Variants in ARL5B observed in about 807,000 individuals in gnomAD.
ARL5B encodes the protein ARF like GTPase 5B, also known as ADP-ribosylation factor-like protein 5B.
A neutral mutation model predicts 26.9 loss-of-function variants in ARL5B; 10 were observed. That is an observed-to-expected ratio of 0.37 (90% confidence interval 0.23 to 0.63). The LOEUF (loss-of-function observed/expected upper bound fraction) is 0.63, where lower values mean the gene tolerates loss of function less well. Among genes scored for constraint, ARL5B ranks in the 30% least tolerant of loss-of-function variants. The pLI, the probability that ARL5B is intolerant of heterozygous loss-of-function variation, is 0.62. For synonymous variants in ARL5B, 87 were observed against 70.4 expected, an observed-to-expected ratio of 1.24 and a Z score of -1.18; for missense variants, 167 against 213.9, an observed-to-expected ratio of 0.78 and a Z score of 1.37.
chr10:18,664,426 T>A (rs1458538425), intron 1 of ARL5B, among the ~76,000 whole-genome samples: 1 of 142,302 alleles, frequency 7.0e-6, no homozygotes, highest in Non-Finnish European at 1.5e-5. Flanking sequence ...GTAACAGTAG[T>A]GTCTTTTTTT....
At chr10:18,661,006 GC>G (rs1460261570) in intron 1 of ARL5B, among the ~76,000 whole-genome samples, 2 of 151,962 alleles carry the variant, frequency 1.3e-5, no homozygotes, top group Non-Finnish European at 2.9e-5. Flanking sequence ...CCGCCACCAC[GC>G]CCGGCCTATT....
At chr10:18,671,288 T>A (rs906627167) in intron 3 of ARL5B, among the ~76,000 whole-genome samples, 1 of 152,002 alleles carries the variant, frequency 6.6e-6, no homozygotes, top group African/African-American at 2.4e-5. Context: ...TTCTCCTCCC[T>A]CAGCCTCCGA....
At chr10:18,666,008 G>A (rs45593736) in intron 1 of ARL5B, among the ~76,000 whole-genome samples, 1,944 of 152,258 alleles carry the variant, frequency 0.013, 14 homozygotes, top group Middle Eastern at 0.031. Context: ...TGTAGAAGCC[G>A]GTTGAAAAAA....
rs1320801290 is a variant in ARL5B, at chr10:18,680,527, C to G, written c.*5311C>G. 2 of 151,974 alleles carry G rather than the reference C, an allele frequency of 1.3e-5. No individual in the cohort carries two copies. The highest frequency in any genetic ancestry group is 2.9e-5 in the Non-Finnish European group (2 of 67,926). 9.4% of individuals were successfully genotyped at this position (151,974 alleles called of 1,614,324 possible). On this transcript the variant is annotated 3_prime_UTR_variant, in exon 6 of 6. Transcript: ENST00000377275. ...ATCCCAGTCATCAGTGACTTATTTG[C>G]ATATTTAAGCCCTATTCACAAGAGA... is the stretch of plus-strand genomic sequence containing the variant.
intron 3 of ARL5B, among the ~76,000 whole-genome samples, chr10:18,669,494 G>T (rs1452720699): frequency 1.3e-5 from 2 of 152,084 alleles, no homozygotes; most frequent in Non-Finnish European, 2.9e-5. Context: ...TGAGTTCAGA[G>T]CTAACTTGGG....
Position 18,675,200 on chromosome 10 carries a change from G to T in ARL5B, c.524G>T (p.Arg175Leu). 1 of 1,613,324 alleles carries T rather than the reference G, an allele frequency of 6.2e-7. No individual in the cohort carries two copies. Among genetic ancestry groups the T allele is most frequent in the Admixed American group, 1.7e-5 (1 of 59,992 alleles). The change falls in exon 6 of 6, where the codon CGG (arginine) becomes CTG (leucine). Residue 175 changes from arginine to leucine, a missense_variant. Transcript: ENST00000377275. The part of the protein sequence containing the change: ...LCQGLEWMTS[R>L]IGVR ...CAAGGTCTAGAGTGGATGACCTCCC[G>T]GATTGGTGTGAGATAACTTTTTTGC...
At chr10:18,668,320 TAA>T (rs1289270529) in intron 2 of ARL5B, among the ~76,000 whole-genome samples, 1 of 145,374 alleles carries the variant, frequency 6.9e-6, no homozygotes, top group Non-Finnish European at 1.5e-5. Context: ...TTCCTTCCGT[TAA>T]AAAAAAAAAC....
rs940969224 is a variant in ARL5B, at chr10:18,672,615, C to G, written c.256-7C>G. On this transcript the variant is annotated splice_polypyrimidine_tract_variant and splice_region_variant and intron_variant, in intron 3 of 5. Transcript: ENST00000377275. ...ATTTTCTGTCTTTCCTTTTAATTTTCTTCTAGTTCATCATTCTTGTTGTTG... is the reference window on the plus strand; with the variant it reads ...ATTTTCTGTCTTTCCTTTTAATTTTGTTCTAGTTCATCATTCTTGTTGTTG... The G allele has an allele frequency of 6.3e-7, 1 of 1,598,760 alleles. No homozygotes were observed. The highest frequency in any genetic ancestry group is 1.1e-5 in the South Asian group (1 of 88,508).
rs756535384 is a variant in ARL5B, at chr10:18,676,522, CTTAAA to C, written c.*1311_*1315del. 23 of 151,924 alleles carry C rather than the reference CTTAAA, an allele frequency of 1.5e-4. No homozygotes were observed. Among genetic ancestry groups the C allele is most frequent in the Non-Finnish European group, 2.9e-4 (20 of 67,832 alleles). 9.4% of individuals were successfully genotyped at this position (151,924 alleles called of 1,614,324 possible). A position where few individuals can be genotyped will look rare whatever the true frequency, so the allele number is the denominator to read the frequency against. On this transcript the variant is annotated 3_prime_UTR_variant, in exon 6 of 6. Transcript: ENST00000377275. The stretch of plus-strand genomic sequence containing the variant: ...GAACAATAATCTAAACAATATATTC[CTTAAA>C]TTAAGAGGAAAGACAAGTGTCGTAT...
intron 1 of ARL5B, among the ~76,000 whole-genome samples, chr10:18,663,251 A>G (rs1294511817): frequency 1.3e-5 from 2 of 150,586 alleles, no homozygotes; most frequent in East Asian, 3.9e-4. Flanking sequence ...CAGGTGATCT[A>G]CTCGCCTCCC....
chr10:18,662,151 T>TAAC (rs2059839703), intron 1 of ARL5B, among the ~76,000 whole-genome samples: 1 of 152,244 alleles, frequency 6.6e-6, no homozygotes. Context: ...TATATTAGAA[T>TAAC]AACAGGCCCA....
In ARL5B at chr10:18,674,151, T is replaced by A; in HGVS notation, c.491+16T>A. ...CAGGAGAAGGGTAAGTTCATCCGTC[T>A]GAGGGGAGGTATGACTTCTTTCAAA... On this transcript the variant is annotated intron_variant, in intron 5 of 5. Transcript: ENST00000377275. 1 of 1,595,024 alleles carries A rather than the reference T, an allele frequency of 6.3e-7. No individual in the cohort carries two copies. Among genetic ancestry groups the A allele is most frequent in the South Asian group, 1.1e-5 (1 of 88,404 alleles).
In ARL5B at chr10:18,677,686, A is replaced by G. The variant is rs1414357287; in HGVS notation, c.*2470A>G. On this transcript the variant is annotated 3_prime_UTR_variant, in exon 6 of 6. Coordinates refer to ENST00000377275, the MANE Select transcript of ARL5B (RefSeq NM_178815.5). ...CAGTGAACTGTAAGATACTGTCTAA[A>G]AAATGTACATTTGTAATTAGTGCCT... 1 of 152,342 alleles carries G rather than the reference A, an allele frequency of 6.6e-6. No individual in the cohort carries two copies. The highest frequency in any genetic ancestry group is 1.9e-4 in the East Asian group (1 of 5,198). 9.4% of individuals were successfully genotyped at this position (152,342 alleles called of 1,614,324 possible).
chr10:18,674,608 A>G (rs566946863), intron 5 of ARL5B, among the ~76,000 whole-genome samples: 2 of 152,200 alleles, frequency 1.3e-5, no homozygotes, highest in Non-Finnish European at 2.9e-5. Flanking sequence ...CACATGGTCT[A>G]TTCTTCCATC....
chr10:18,679,792 G>A lies in ARL5B; in HGVS notation c.*4576G>A, dbSNP rs1260468869. The A allele has an allele frequency of 3.3e-5, 5 of 151,816 alleles. No individual in the cohort carries two copies. The highest frequency in any genetic ancestry group is 1.9e-4 in the East Asian group (1 of 5,194). 9.4% of individuals were successfully genotyped at this position (151,816 alleles called of 1,614,324 possible). A position where few individuals can be genotyped will look rare whatever the true frequency, so the allele number is the denominator to read the frequency against. ...AAAGTAAAGACAATATCATGAGGTC[G>A]AAAAAACTTCAAAAGGATATTAGGT... On this transcript the variant is annotated 3_prime_UTR_variant, in exon 6 of 6. Transcript: ENST00000377275.
chr10:18,672,736 A>G, intron 4 of ARL5B, 31 bp downstream of exon 4: 2 of 1,493,980 alleles, frequency 1.3e-6, no homozygotes, highest in Non-Finnish European at 9.3e-7. Flanking sequence ...TTTAAAAAAC[A>G]GTGTAGTAAA....
chr10:18,675,133 GT>G, intron 5 of ARL5B, 34 bp from the exon 6 acceptor site: 1 of 1,597,142 alleles, frequency 6.3e-7, no homozygotes, highest in Non-Finnish European at 8.6e-7. Flanking sequence ...TAAGTATAAG[GT>G]TTTTAATTAA....
At chr10:18,663,546 C>CTTTTTTTTTT (rs10645351) in intron 1 of ARL5B, among the ~76,000 whole-genome samples, 1 of 97,944 alleles carries the variant, frequency 1.0e-5, no homozygotes, top group Non-Finnish European at 1.9e-5. Context: ...TTATTCTGCT[C>CTTTTTTTTTT]TTTTTTTTTT....
intron 2 of ARL5B, among the ~76,000 whole-genome samples, chr10:18,667,859 C>G (rs759113998): frequency 1.3e-5 from 2 of 152,014 alleles, no homozygotes; most frequent in South Asian, 2.1e-4. Flanking sequence ...GGATTACAAG[C>G]GCCCACCACC....
Sources: allele counts gnomAD v4.1 joint callset (sites outside exome capture counted in the v4.1 genomes callset), GRCh38; gene constraint gnomAD v4.1.1; transcripts MANE v1.5; gene names NCBI Gene and HGNC (gene_info 2026-07-23, HGNC 2026-07-21).